HDAC4: variants seen among roughly 807,000 people sequenced by gnomAD.
The protein encoded by HDAC4 is histone deacetylase A.
A neutral mutation model predicts 135.1 loss-of-function variants in HDAC4; 16 were observed. The observed-to-expected ratio is 0.12, with a 90% CI of 0.08 to 0.18. The LOEUF is 0.18. Ranked by LOEUF, HDAC4 falls within the 10% of genes least tolerant of loss-of-function variation. HDAC4 has a pLI of 1.00. For synonymous variants in HDAC4, 685 were observed against 653.4 expected (o/e 1.05, Z -0.74); for missense variants, 1,143 against 1,511.8 (o/e 0.76, Z 4.05).
chr2:239,338,600 C>T (rs111591612), intron 2 of HDAC4, among the ~76,000 whole-genome samples: 1 of 152,168 alleles, frequency 6.6e-6, no homozygotes, highest in Non-Finnish European at 1.5e-5. Context: ...TTTAAATAGC[C>T]ACTACATAAA....
chr2:239,392,261 G>A (rs919051772), intron 1 of HDAC4, among the ~76,000 whole-genome samples: 12 of 152,230 alleles, frequency 7.9e-5, no homozygotes, highest in Admixed American at 2.0e-4. Flanking sequence ...GCAGGCACTC[G>A]AAAGGCGAGA....
In HDAC4 at chr2:239,108,167, C is replaced by T. The variant is rs1453215944; in HGVS notation, c.1995G>A (p.Thr665=). ...AGGTGCACTGGTGCTTCAGCATCAGCGTGTCATACACGAGGCCTGGGGCGG... is the reference window on the plus strand; with the variant it reads ...AGGTGCACTGGTGCTTCAGCATCAGTGTGTCATACACGAGGCCTGGGGCGG... The part of the protein sequence containing the change: ...PRFTTGLVYD[T]LMLKHQCTCG... Residue 665 remains threonine, a synonymous_variant, in exon 15 of 27, where the codon ACG becomes ACA. Coordinates refer to ENST00000543185, the MANE Select transcript of HDAC4 (RefSeq NM_001378414.1). The T allele has an allele frequency of 5.0e-6, 8 of 1,603,842 alleles. No homozygotes were observed. Among genetic ancestry groups the T allele is most frequent in the Admixed American group, 3.4e-5 (2 of 59,116 alleles).
rs564848332 is a variant in HDAC4 at position 239,048,568 on chromosome 2, G to GATAA, written c.*4528_*4529insTTAT. On this transcript the variant is annotated 3_prime_UTR_variant, in exon 27 of 27. Transcript: ENST00000543185. ...AAGGTTCAAGCCCCCTGTATAGATA[G>GATAA]ATAGATAGATAGATAGATAGATAGA... 4.1e-4 allele frequency: 62 copies of GATAA among 149,984 alleles called. No individual in the cohort carries two copies. Among genetic ancestry groups the GATAA allele is most frequent in the Non-Finnish European group, 5.4e-4 (37 of 67,926 alleles). The allele number at this position is 149,984 out of a possible 1,614,324, so 9.3% of individuals were successfully genotyped here. A position where few individuals can be genotyped will look rare whatever the true frequency, so the allele number is the denominator to read the frequency against.
intron 3 of HDAC4, among the ~76,000 whole-genome samples, chr2:239,206,204 T>C (rs2046035628): frequency 6.6e-6 from 1 of 152,058 alleles, no homozygotes; most frequent in East Asian, 1.9e-4. Context: ...GGTGCATGCC[T>C]GTGGTTCCAG....
chr2:239,301,458 T>C (rs1480907789), intron 2 of HDAC4, among the ~76,000 whole-genome samples: 1 of 148,340 alleles, frequency 6.7e-6, no homozygotes, highest in Non-Finnish European at 1.5e-5. Context: ...TAAATTCTGC[T>C]GGTGCTTTCT....
intron 2 of HDAC4, among the ~76,000 whole-genome samples, chr2:239,323,407 T>C (rs2053376430): frequency 6.6e-6 from 1 of 152,226 alleles, no homozygotes; most frequent in African/African-American, 2.4e-5. Context: ...TCTTTCAGCA[T>C]TGTTGGATGT....
chr2:239,153,431 T>C (rs1003536922), intron 7 of HDAC4, among the ~76,000 whole-genome samples: 2 of 152,230 alleles, frequency 1.3e-5, no homozygotes, highest in Non-Finnish European at 2.9e-5. Flanking sequence ...TTTAATGACG[T>C]GTTTCATATT....
intron 2 of HDAC4, among the ~76,000 whole-genome samples, chr2:239,287,469 G>A (rs992373649): frequency 4.6e-5 from 7 of 152,146 alleles, no homozygotes; most frequent in Non-Finnish European, 1.0e-4. Flanking sequence ...CTGTTGACAC[G>A]ACCTTTTAAA....
At chr2:239,111,021 G>A (rs553001045) in intron 14 of HDAC4, among the ~76,000 whole-genome samples, 42 of 152,386 alleles carry the variant, frequency 2.8e-4, no homozygotes, top group African/African-American at 1.0e-3. Context: ...TATGAGGGAT[G>A]GCACAGACAG....
intron 2 of HDAC4, among the ~76,000 whole-genome samples, chr2:239,273,046 C>T (rs941382662): frequency 6.6e-6 from 1 of 152,094 alleles, no homozygotes; most frequent in African/African-American, 2.4e-5. Flanking sequence ...ATTCCCGGAA[C>T]CTAGAAATAC....
intron 5 of HDAC4, among the ~76,000 whole-genome samples, chr2:239,164,757 G>A (rs1204268921): frequency 1.3e-5 from 2 of 152,200 alleles, no homozygotes; most frequent in Admixed American, 6.5e-5. Context: ...ACCACTTCCC[G>A]ACTGGGAGAC....
At chr2:239,235,240 G>A (rs990749779) in intron 3 of HDAC4, among the ~76,000 whole-genome samples, 4 of 152,108 alleles carry the variant, frequency 2.6e-5, no homozygotes, top group African/African-American at 9.7e-5. Flanking sequence ...GACACAGAGA[G>A]CCTTCCCGGA....
rs1446922947 is a variant in HDAC4 at position 239,279,968 on chromosome 2, C to A, written c.23-43304G>T. On this transcript the variant is annotated intron_variant, in intron 2 of 26. Transcript: ENST00000543185. ...CAATAACTGTGGTCCACAGAAAGTG[C>A]GGATCCCACCTCTCGGGAGCATCTC... Among the ~76,000 whole-genome samples the A allele has an allele frequency of 7.9e-5, 12 of 152,108 alleles. No homozygotes were observed. The East Asian group carries it at 2.3e-3, about 29-fold the overall frequency.
intron 12 of HDAC4, among the ~76,000 whole-genome samples, chr2:239,122,874 G>A (rs980791650): frequency 6.6e-6 from 1 of 152,234 alleles, no homozygotes; most frequent in East Asian, 1.9e-4. Flanking sequence ...GAGCAGCGCA[G>A]TGGGACAGGA....
chr2:239,121,602 C>A (rs3791443), intron 12 of HDAC4, among the ~76,000 whole-genome samples: 1 of 152,102 alleles, frequency 6.6e-6, no homozygotes, highest in Non-Finnish European at 1.5e-5. Flanking sequence ...CTCCCTTTCA[C>A]GAGGATGAAG....
intron 1 of HDAC4, among the ~76,000 whole-genome samples, chr2:239,388,574 G>A (rs1166406073): frequency 3.9e-5 from 6 of 152,206 alleles, no homozygotes; most frequent in African/African-American, 7.2e-5. Context: ...GAGGGCAGCT[G>A]GACCGCACGG....
chr2:239,189,884 C>T lies in HDAC4; in HGVS notation c.288G>A (p.Gln96=), dbSNP rs2044802449. 2.5e-6 allele frequency: 4 copies of T among 1,610,804 alleles called. No homozygotes were observed. Among genetic ancestry groups the T allele is most frequent in the Middle Eastern group, 1.8e-4 (1 of 5,432 alleles). ...RQILIAEFQR[Q]HEQLSRQHEA... ...CGTGCTGCCGGGAGAGCTGCTCGTG[C>T]TGCCTCTGGAACTCAGCGATGAGGA... Residue 96 remains glutamine (Q), a synonymous_variant, in exon 4 of 27, where the codon CAG becomes CAA. Coordinates refer to ENST00000543185, the MANE Select transcript of HDAC4 (RefSeq NM_001378414.1).
chr2:239,105,797 T>A (rs1357101596), intron 15 of HDAC4, among the ~76,000 whole-genome samples: 1 of 152,084 alleles, frequency 6.6e-6, no homozygotes, highest in Non-Finnish European at 1.5e-5. Context: ...ACTCTAACCA[T>A]GCCCCGTACC....
chr2:239,333,842 T>C (rs547746989), intron 2 of HDAC4, among the ~76,000 whole-genome samples: 13 of 152,310 alleles, frequency 8.5e-5, no homozygotes, highest in African/African-American at 3.1e-4. Context: ...ACACAGAACT[T>C]ATAGCAAATT....
Sources: allele counts gnomAD v4.1 joint callset (sites outside exome capture counted in the v4.1 genomes callset), GRCh38; gene constraint gnomAD v4.1.1; transcripts MANE v1.5; gene names NCBI Gene and HGNC (gene_info 2026-07-23, HGNC 2026-07-21).